The following PCID2 variants were observed in gnomAD, a reference collection of about 807,000 sequenced individuals.
The protein encoded by PCID2 is PCI domain containing 2.
A neutral mutation model predicts 61.3 loss-of-function variants in PCID2; 41 were observed. The ratio of observed to expected loss-of-function variants is 0.67; its 90% confidence interval spans 0.52 to 0.87. The LOEUF (loss-of-function observed/expected upper bound fraction) is 0.87. Ranked by LOEUF, PCID2 falls within the 40% of genes least tolerant of loss-of-function variation. The pLI, the probability that PCID2 is intolerant of heterozygous loss-of-function variation, is 0.00. For synonymous variants in PCID2, 187 were observed against 177.8 expected, an observed-to-expected ratio of 1.05 and a Z score of -0.41; for missense variants, 392 against 493.4, an observed-to-expected ratio of 0.79 and a Z score of 1.95.
the PCID2 span, chr13:113,165,243 C>G: frequency 1.1e-6 from 1 of 925,630 alleles, no homozygotes; most frequent in South Asian, 1.4e-5. Flanking sequence ...GGGCTACTGA[C>G]TGCACTGACC....
chr13:113,191,799 T>C (rs1342844646), intron 6 of PCID2, among the ~76,000 whole-genome samples: 5 of 152,212 alleles, frequency 3.3e-5, no homozygotes, highest in African/African-American at 1.2e-4. Flanking sequence ...CTTTTTTTAC[T>C]GTATTAACGT....
intron 1 of PCID2, 26 bp from the exon 2 acceptor site, chr13:113,200,542 A>G (rs1437065127): frequency 6.9e-7 from 1 of 1,449,626 alleles, no homozygotes; most frequent in Middle Eastern, 1.7e-4. Context: ...GGGAAACCTA[A>G]GTAGAAAATA....
chr13:113,174,854 C>A (rs542517806), downstream of PCID2, among the ~76,000 whole-genome samples: 3 of 152,318 alleles, frequency 2.0e-5, no homozygotes, highest in East Asian at 3.9e-4. Context: ...ATATTTGAAT[C>A]CATGCAAACA....
chr13:113,193,576 A>G (rs1322227620), intron 6 of PCID2, among the ~76,000 whole-genome samples: 1 of 152,214 alleles, frequency 6.6e-6, no homozygotes. Context: ...TTATTTAAAA[A>G]GTCAGTTATG....
At chr13:113,193,741 G>C (rs1423282763) in intron 6 of PCID2, among the ~76,000 whole-genome samples, 1 of 151,966 alleles carries the variant, frequency 6.6e-6, no homozygotes, top group African/African-American at 2.4e-5. Flanking sequence ...ATTTCCATTT[G>C]GTTCTTCTTT....
chr13:113,177,953 CAA>C lies in PCID2; in HGVS notation c.*243_*244del, dbSNP rs1369753086. ...CAAAGCCTCCTTCAAAGAAGTCTCA[CAA>C]AGACTCCAGAACCAGCCGAGTCTGT... is the stretch of plus-strand genomic sequence containing the variant. On this transcript the variant is annotated 3_prime_UTR_variant, in exon 14 of 14. Transcript: ENST00000337344. 3.1e-6 allele frequency: 1 copy of C among 326,828 alleles called. No individual in the cohort carries two copies. Among genetic ancestry groups the C allele is most frequent in the African/African-American group, 2.1e-5 (1 of 47,224 alleles). The allele number at this position is 326,828 out of a possible 1,614,324, so 20.2% of individuals were successfully genotyped here. A position where few individuals can be genotyped will look rare whatever the true frequency, so the allele number is the denominator to read the frequency against.
downstream of PCID2, among the ~76,000 whole-genome samples, chr13:113,177,181 A>G (rs2037207879): frequency 6.6e-6 from 1 of 152,202 alleles, no homozygotes; most frequent in South Asian, 2.1e-4. Flanking sequence ...CTTGTTGCCC[A>G]GGCTGGAGTG....
intron 7 of PCID2, among the ~76,000 whole-genome samples, chr13:113,190,514 C>CTT (rs1308651188): frequency 6.6e-6 from 1 of 152,030 alleles, no homozygotes; most frequent in Non-Finnish European, 1.5e-5. Flanking sequence ...AAAAAAATAA[C>CTT]GAGAGTTTCA....
At position 113,190,857 on chromosome 13, in the gene PCID2, C is replaced by T; in HGVS notation, c.467+15G>A. The T allele has an allele frequency of 1.3e-6, 2 of 1,567,434 alleles. No homozygotes were observed. The highest frequency in any genetic ancestry group is 1.1e-5 in the South Asian group (1 of 89,144). On this transcript the variant is annotated intron_variant, in intron 7 of 13. Transcript: ENST00000337344. ...CCAACAGCGTCTGGTGGTCGGTCCT[C>T]AAGTCCTTACTCACGTGTCGCTGGC...
At chr13:113,198,721 A>ATAAG (rs2039205549) in intron 2 of PCID2, among the ~76,000 whole-genome samples, 1 of 152,074 alleles carries the variant, frequency 6.6e-6, no homozygotes, top group Non-Finnish European at 1.5e-5. Flanking sequence ...AAATAAATAA[A>ATAAG]TAAATGGTTC....
the PCID2 span, among the ~76,000 whole-genome samples, chr13:113,168,651 G>A: frequency 6.6e-6 from 1 of 152,304 alleles, no homozygotes; most frequent in Non-Finnish European, 1.5e-5. Context: ...TTGTTTTCAT[G>A]TTTCTTGCAC....
intron 2 of PCID2, among the ~76,000 whole-genome samples, chr13:113,199,335 C>T (rs145068667): frequency 2.0e-5 from 3 of 152,344 alleles, no homozygotes; most frequent in Admixed American, 6.5e-5. Context: ...GTTCCTCATA[C>T]TAAATCTCTA....
intron 1 of PCID2, among the ~76,000 whole-genome samples, chr13:113,204,149 G>T (rs376912775): frequency 7.3e-4 from 111 of 152,350 alleles, no homozygotes; most frequent in African/African-American, 2.6e-3. Flanking sequence ...CGCACTGTGC[G>T]ATCTCTCGCA....
At position 113,190,630 on chromosome 13, in the gene PCID2, C is replaced by T. The variant is rs1460661150; in HGVS notation, c.467+242G>A. ...AAATGGCACTAGACGGAAACTGGTT[C>T]CTGCAGAGAGGAGCTCCAGGCATGG... On this transcript the variant is annotated intron_variant, in intron 7 of 13. Coordinates refer to ENST00000337344, the MANE Select transcript of PCID2 (RefSeq NM_001127202.4). The T allele has an allele frequency of 8.6e-6, 3 of 347,870 alleles. No homozygotes were observed. The Admixed American group carries it at 1.4e-4, about 16-fold the overall frequency. The allele number at this position is 347,870 out of a possible 1,614,324, so 21.5% of individuals were successfully genotyped here. A position where few individuals can be genotyped will look rare whatever the true frequency, so the allele number is the denominator to read the frequency against.
intron 7 of PCID2, among the ~76,000 whole-genome samples, chr13:113,190,230 TAA>T (rs57820999): frequency 0.019 from 2,454 of 129,540 alleles, 67 homozygotes; most frequent in African/African-American, 0.065. Flanking sequence ...CAGAAGAAAT[TAA>T]AAAAAAAAAA....
intron 1 of PCID2, among the ~76,000 whole-genome samples, chr13:113,204,316 G>C (rs1392022644): frequency 6.6e-6 from 1 of 152,268 alleles, no homozygotes. Flanking sequence ...ATGAGTGACT[G>C]AAAGCTGAGA....
the PCID2 span, chr13:113,170,318 TG>T: frequency 2.1e-3 from 1,228 of 597,570 alleles, 6 homozygotes; most frequent in African/African-American, 0.039. Context: ...GGGGTGGGGG[TG>T]GGGGGGTGGT....
the PCID2 span, among the ~76,000 whole-genome samples, chr13:113,169,791 G>A: frequency 1.3e-5 from 2 of 152,226 alleles, no homozygotes; most frequent in African/African-American, 2.4e-5. Context: ...ACACTCTTGG[G>A]TGGTTCTTAC....
intron 2 of PCID2, 92 bp downstream of exon 2, chr13:113,200,335 T>G (rs1420408176): frequency 1.3e-6 from 1 of 772,592 alleles, no homozygotes; most frequent in Non-Finnish European, 2.3e-6. Flanking sequence ...ACAATATTAG[T>G]TTTCTTCTTA....
Sources: allele counts gnomAD v4.1 joint callset (sites outside exome capture counted in the v4.1 genomes callset), GRCh38; gene constraint gnomAD v4.1.1; transcripts MANE v1.5; gene names NCBI Gene and HGNC (gene_info 2026-07-23, HGNC 2026-07-21).